Variants in C16orf87 observed in about 807,000 individuals in gnomAD.
The protein encoded by C16orf87 is UPF0547 protein C16orf87.
C16orf87 carries 13 observed loss-of-function variants against 21.0 expected under a neutral mutation model. That is an observed-to-expected ratio of 0.62 (90% confidence interval 0.40 to 0.98). The LOEUF (loss-of-function observed/expected upper bound fraction) is 0.98. Ranked by LOEUF, C16orf87 falls within the 50% of genes least tolerant of loss-of-function variation. C16orf87 has a pLI of 0.00. For synonymous variants in C16orf87, 49 were observed against 60.2 expected (o/e 0.81, Z 0.86); for missense variants, 113 against 180.4 (o/e 0.63, Z 2.14).
Position 46,806,807 on chromosome 16 carries a change from A to AT in C16orf87, c.346+2795dup, listed in dbSNP as rs780107615. ...TATTCTGTTTCAAAATAGAAAAGTC[A>AT]TTTTTCCCCCTTTGGATCTCTCATC... On this transcript the variant is annotated intron_variant, in intron 3 of 3. Transcript: ENST00000285697. Among the ~76,000 whole-genome samples the AT allele has an allele frequency of 9.9e-5, 15 of 152,192 alleles. No individual in the cohort carries two copies. In the East Asian group the frequency reaches 2.5e-3, roughly 25 times the overall value.
At chr16:46,815,614 T>C (rs1433324833) in intron 2 of C16orf87, among the ~76,000 whole-genome samples, 2 of 152,108 alleles carry the variant, frequency 1.3e-5, no homozygotes, top group Non-Finnish European at 2.9e-5. Flanking sequence ...AAAGAAGATA[T>C]ATAAATGGCC....
At position 46,802,859 on chromosome 16, in the gene C16orf87, G is replaced by GA. The variant is rs1967817227; in HGVS notation, c.*92dup. 8 of 696,988 alleles carry GA rather than the reference G, an allele frequency of 1.1e-5. No homozygotes were observed. Among genetic ancestry groups the GA allele is most frequent in the Middle Eastern group, 5.6e-4 (2 of 3,540 alleles). 43.2% of individuals were successfully genotyped at this position (696,988 alleles called of 1,614,324 possible). Reference sequence around the variant, plus strand: ...AAAGAAACAATCGATGGCCCTTATTGATGCAGTCAGAATGCTCCTGAGAGT... The same window carrying GA: ...AAAGAAACAATCGATGGCCCTTATTGAATGCAGTCAGAATGCTCCTGAGAGT... On this transcript the variant is annotated 3_prime_UTR_variant, in exon 4 of 4. Coordinates refer to ENST00000285697, the MANE Select transcript of C16orf87 (RefSeq NM_001001436.4).
At chr16:46,824,656 ATAT>A (rs1959547303) in intron 1 of C16orf87, among the ~76,000 whole-genome samples, 174 bp from the exon 2 acceptor site, 2 of 142,838 alleles carry the variant, frequency 1.4e-5, no homozygotes, top group African/African-American at 5.2e-5. Flanking sequence ...TATCACATAG[ATAT>A]TCACATTCTT....
At chr16:46,819,553 G>A (rs929216650) in intron 2 of C16orf87, among the ~76,000 whole-genome samples, 1 of 151,140 alleles carries the variant, frequency 6.6e-6, no homozygotes, top group African/African-American at 2.4e-5. Flanking sequence ...CAGATGATCC[G>A]CCCGCCTCAG....
At chr16:46,803,273 A>G (rs1967830158) in intron 3 of C16orf87, among the ~76,000 whole-genome samples, 1 of 152,192 alleles carries the variant, frequency 6.6e-6, no homozygotes, top group Non-Finnish European at 1.5e-5. Context: ...TGAAGACAAT[A>G]TTTATTTCTA....
chr16:46,802,906 C>T lies in C16orf87; in HGVS notation c.*46G>A, dbSNP rs774170179. 9 of 885,826 alleles carry T rather than the reference C, an allele frequency of 1.0e-5. No homozygotes were observed. The South Asian group carries it at 1.2e-4, about 12-fold the overall frequency. 54.9% of individuals were successfully genotyped at this position (885,826 alleles called of 1,614,324 possible). A position where few individuals can be genotyped will look rare whatever the true frequency, so the allele number is the denominator to read the frequency against. On this transcript the variant is annotated 3_prime_UTR_variant, in exon 4 of 4. Transcript: ENST00000285697. ...GAGTCCATAACTGTTTGAGAATTTG[C>T]TGATGTTATCCTGACAGAAGTTTCA... is the stretch of plus-strand genomic sequence containing the variant.
chr16:46,797,930 T>C lies in C16orf87; in HGVS notation c.*5022A>G, dbSNP rs1056993551. 6.6e-6 allele frequency: 1 copy of C among 152,096 alleles called. No individual in the cohort carries two copies. Among genetic ancestry groups the C allele is most frequent in the Non-Finnish European group, 1.5e-5 (1 of 68,014 alleles). The allele number at this position is 152,096 out of a possible 1,614,324, so 9.4% of individuals were successfully genotyped here. Reference sequence around the variant, plus strand: ...AGTAATACCAAGAAAAATCAGAATATTCTAAATTGAACACAAAATTACAAC... The same window carrying C: ...AGTAATACCAAGAAAAATCAGAATACTCTAAATTGAACACAAAATTACAAC... On this transcript the variant is annotated 3_prime_UTR_variant, in exon 4 of 4. Transcript: ENST00000285697.
intron 1 of C16orf87, among the ~76,000 whole-genome samples, chr16:46,828,964 CA>C (rs1381724348): frequency 6.6e-6 from 1 of 152,070 alleles, no homozygotes; most frequent in African/African-American, 2.4e-5. Context: ...AAGGACAAAA[CA>C]AACCAACTCA....
intron 2 of C16orf87, among the ~76,000 whole-genome samples, chr16:46,811,871 T>C (rs939043610): frequency 1.3e-5 from 2 of 152,126 alleles, no homozygotes; most frequent in Non-Finnish European, 2.9e-5. Context: ...AGAGTATTGC[T>C]TGAGGCCAGG....
chr16:46,821,560 C>T (rs1349342585), intron 2 of C16orf87, among the ~76,000 whole-genome samples: 1 of 152,154 alleles, frequency 6.6e-6, no homozygotes, highest in African/African-American at 2.4e-5. Context: ...ACAAGGAAAT[C>T]TCAGGAAACT....
chr16:46,810,589 A>G (rs922927200), intron 2 of C16orf87, among the ~76,000 whole-genome samples: 2 of 152,202 alleles, frequency 1.3e-5, no homozygotes, highest in Non-Finnish European at 2.9e-5. Context: ...GGGCAAAACA[A>G]ACAGAAAAAT....
At chr16:46,803,182 A>G (rs1481370495) in intron 3 of C16orf87, 112 bp from the exon 4 acceptor site, 2 of 502,264 alleles carry the variant, frequency 4.0e-6, no homozygotes, top group African/African-American at 2.0e-5. Context: ...ATAATACTAC[A>G]ATATACATTA....
chr16:46,825,901 C>CA (rs1346706436), intron 1 of C16orf87, among the ~76,000 whole-genome samples: 32 of 136,520 alleles, frequency 2.3e-4, no homozygotes, highest in African/African-American at 8.5e-4. Flanking sequence ...GCAACATGAG[C>CA]AAGACTCTGT....
rs1967628566 is a variant in C16orf87 at position 46,797,065 on chromosome 16, A to G, written c.*5887T>C. On this transcript the variant is annotated 3_prime_UTR_variant, in exon 4 of 4. Coordinates refer to ENST00000285697, the MANE Select transcript of C16orf87 (RefSeq NM_001001436.4). ...AGGCTGAAAGAACTGTCAACACAGT[A>G]GTTTATATCCAGCAAAAATATCTTT... The G allele has an allele frequency of 6.6e-6, 1 of 152,248 alleles. No individual in the cohort carries two copies. The highest frequency in any genetic ancestry group is 2.1e-4 in the South Asian group (1 of 4,832). The allele number at this position is 152,248 out of a possible 1,614,324, so 9.4% of individuals were successfully genotyped here.
chr16:46,803,942 C>T lies in C16orf87; in HGVS notation c.347-872G>A, dbSNP rs117047909. On this transcript the variant is annotated intron_variant, in intron 3 of 3. Coordinates refer to ENST00000285697, the MANE Select transcript of C16orf87 (RefSeq NM_001001436.4). ...TTACACTGTTTTGCATCTCTTGCCC[C>T]AATAAACACTCTGCCCATCCCTCAT... Among the ~76,000 whole-genome samples, 229 of 152,258 alleles carry T rather than the reference C, an allele frequency of 1.5e-3. 1 individual carries two copies. In the East Asian group the frequency reaches 0.035, roughly 23 times the overall value.
chr16:46,813,659 G>A (rs77171116), intron 2 of C16orf87, among the ~76,000 whole-genome samples: 2,860 of 152,152 alleles, frequency 0.019, 251 homozygotes, highest in Admixed American at 0.14. Context: ...CACTCCAGAC[G>A]TGCCTTTCTT....
chr16:46,812,940 G>C (rs1206257108), intron 2 of C16orf87, among the ~76,000 whole-genome samples: 1 of 151,966 alleles, frequency 6.6e-6, no homozygotes, highest in Non-Finnish European at 1.5e-5. Flanking sequence ...TGATTCTCAG[G>C]CTCCCCCAGT....
In C16orf87 at chr16:46,831,074, C is replaced by G; in HGVS notation, c.66+10G>C. The stretch of plus-strand genomic sequence containing the variant: ...GCCGCCCGCCCGCGCGCCCGGCCCC[C>G]GGCACCCACCTGTTGGTCGCACTCG... On this transcript the variant is annotated intron_variant, in intron 1 of 3. Transcript: ENST00000285697. The G allele has an allele frequency of 1.3e-6, 2 of 1,559,278 alleles. No homozygotes were observed. The highest frequency in any genetic ancestry group is 1.2e-5 in the South Asian group (1 of 86,472).
intron 3 of C16orf87, among the ~76,000 whole-genome samples, chr16:46,804,271 T>C (rs959767990): frequency 2.0e-5 from 3 of 152,236 alleles, no homozygotes; most frequent in Non-Finnish European, 4.4e-5. Flanking sequence ...TGCAAAATTA[T>C]CATCTTGTGC....
Sources: allele counts gnomAD v4.1 joint callset (sites outside exome capture counted in the v4.1 genomes callset), GRCh38; gene constraint gnomAD v4.1.1; transcripts MANE v1.5; gene names NCBI Gene and HGNC (gene_info 2026-07-23, HGNC 2026-07-21).